SPTLC2: variants seen among roughly 807,000 people sequenced by gnomAD.
SPTLC2 encodes the protein serine palmitoyltransferase 2.
A neutral mutation model predicts 62.0 loss-of-function variants in SPTLC2; 21 were observed. That is an observed-to-expected ratio of 0.34 (90% CI 0.24 to 0.49). SPTLC2 has a LOEUF of 0.49. SPTLC2 is among the 20% of genes least tolerant of loss of function. SPTLC2 has a pLI of 0.99. For synonymous variants in SPTLC2, 261 were observed against 261.8 expected (o/e 1.00, Z 0.03); for missense variants, 511 against 713.0 (o/e 0.72, Z 3.23).
chr14:77,554,654 G>A (rs34153615), intron 8 of SPTLC2: 59,188 of 153,506 alleles, frequency 0.39, 13,448 homozygotes, highest in East Asian at 0.87. Context: ...GAAACTGGGA[G>A]GTTAAATGTT....
At chr14:77,559,511 C>T (rs890703211) in intron 6 of SPTLC2, among the ~76,000 whole-genome samples, 6 of 151,958 alleles carry the variant, frequency 3.9e-5, no homozygotes, top group East Asian at 1.9e-4. Context: ...GTGTAAAATC[C>T]GAAAGTCGTA....
chr14:77,517,982 A>C (rs1006604094), intron 11 of SPTLC2, 56 bp downstream of exon 11: 29 of 1,611,646 alleles, frequency 1.8e-5, no homozygotes, highest in Admixed American at 5.0e-5. Flanking sequence ...TTCATCTAAT[A>C]TACAGGCCCT....
At chr14:77,564,283 G>A (rs2079631256) in intron 5 of SPTLC2, among the ~76,000 whole-genome samples, 1 of 126,724 alleles carries the variant, frequency 7.9e-6, no homozygotes, top group Non-Finnish European at 1.8e-5. Flanking sequence ...AGGAAGAGGA[G>A]GAAAAGGAGG....
intron 9 of SPTLC2, among the ~76,000 whole-genome samples, chr14:77,522,182 G>A (rs1394487130): frequency 7.2e-6 from 1 of 138,004 alleles, no homozygotes; most frequent in African/African-American, 2.7e-5. Flanking sequence ...TTTTTTTTTT[G>A]AGACGGTGTC....
chr14:77,614,273 T>C (rs1054252992), intron 1 of SPTLC2, among the ~76,000 whole-genome samples: 27 of 152,332 alleles, frequency 1.8e-4, no homozygotes, highest in South Asian at 1.5e-3. Context: ...GATTTCCTAC[T>C]AAATCTGAAC....
At chr14:77,586,398 A>C (rs1421688759) in intron 2 of SPTLC2, among the ~76,000 whole-genome samples, 1 of 152,178 alleles carries the variant, frequency 6.6e-6, no homozygotes, top group East Asian at 1.9e-4. Context: ...TTTTAAAGGT[A>C]AATATAGACT....
At chr14:77,614,869 G>T (rs982497074) in intron 1 of SPTLC2, among the ~76,000 whole-genome samples, 1 of 150,356 alleles carries the variant, frequency 6.7e-6, no homozygotes, top group Admixed American at 6.6e-5. Flanking sequence ...TACTCGGGAG[G>T]CTGGGGCAGG....
chr14:77,571,948 G>A (rs1252170185), intron 4 of SPTLC2, among the ~76,000 whole-genome samples: 1 of 137,730 alleles, frequency 7.3e-6, no homozygotes, highest in South Asian at 2.6e-4. Flanking sequence ...GGACCACCAC[G>A]CCTGACTATT....
chr14:77,614,326 C>A (rs995879898), intron 1 of SPTLC2, among the ~76,000 whole-genome samples: 7 of 152,164 alleles, frequency 4.6e-5, no homozygotes. Context: ...CACAAAGCAA[C>A]GCTGAAGTGT....
At chr14:77,597,773 C>T (rs1432492743) in intron 1 of SPTLC2, among the ~76,000 whole-genome samples, 1 of 88,154 alleles carries the variant, frequency 1.1e-5, no homozygotes, top group African/African-American at 4.5e-5. Context: ...GACTCCGTGT[C>T]AAAAAAAAAA....
chr14:77,540,671 C>T (rs1044106290), intron 9 of SPTLC2, among the ~76,000 whole-genome samples: 4 of 152,080 alleles, frequency 2.6e-5, no homozygotes, highest in Non-Finnish European at 4.4e-5. Flanking sequence ...GATGGGGTTT[C>T]GCTATGTTGT....
chr14:77,598,038 C>T (rs2079857517), intron 1 of SPTLC2, among the ~76,000 whole-genome samples: 1 of 149,024 alleles, frequency 6.7e-6, no homozygotes, highest in Non-Finnish European at 1.5e-5. Context: ...AGGAGAATTG[C>T]TTGAACCTTG....
At chr14:77,546,628 C>T (rs1015157762) in intron 9 of SPTLC2, among the ~76,000 whole-genome samples, 4 of 152,112 alleles carry the variant, frequency 2.6e-5, no homozygotes, top group Admixed American at 6.5e-5. Context: ...ACTGTTTTTT[C>T]AAAGGCAAAG....
chr14:77,525,978 A>G (rs1241964559), intron 9 of SPTLC2, among the ~76,000 whole-genome samples: 2 of 152,226 alleles, frequency 1.3e-5, no homozygotes, highest in African/African-American at 2.4e-5. Context: ...CTGAACCATC[A>G]AACTGCCAAC....
intron 9 of SPTLC2, among the ~76,000 whole-genome samples, chr14:77,538,383 T>C (rs1369778456): frequency 2.0e-5 from 3 of 152,192 alleles, no homozygotes; most frequent in African/African-American, 7.2e-5. Context: ...AATTTTATTC[T>C]CACATCTAAT....
intron 9 of SPTLC2, among the ~76,000 whole-genome samples, chr14:77,542,661 A>G (rs145736742): frequency 2.0e-5 from 3 of 152,316 alleles, no homozygotes; most frequent in African/African-American, 4.8e-5. Context: ...CTGCGTCTTC[A>G]TATCCTAGGG....
In SPTLC2 at chr14:77,570,492, A is replaced by C. The variant is rs374561654; in HGVS notation, c.648T>G (p.His216Gln). The change falls in exon 5 of 12, where the codon CAT (histidine) becomes CAG (glutamine). Residue 216 changes from histidine (H) to glutamine (Q), a missense_variant. Physicochemically the swap from His to Gln is conservative, Grantham distance 24 (BLOSUM62 0). Coordinates refer to ENST00000216484, the MANE Select transcript of SPTLC2 (RefSeq NM_004863.4). ...TTGCTACAAGCTCCTCTAGTTCTTCATGCTTGTCCAGGTTTCCTGTGTGAA... is the reference window on the plus strand; with the variant it reads ...TTGCTACAAGCTCCTCTAGTTCTTCCTGCTTGTCCAGGTTTCCTGTGTGAA... ...TRQEIGNLDKHEELEELVARF... is the reference protein window; with the variant it reads ...TRQEIGNLDKQEELEELVARF... 4.3e-6 allele frequency: 7 copies of C among 1,613,926 alleles called. No individual in the cohort carries two copies. The highest frequency in any genetic ancestry group is 4.2e-6 in the Non-Finnish European group (5 of 1,179,960).
intron 1 of SPTLC2, among the ~76,000 whole-genome samples, chr14:77,607,172 G>T (rs1407824429): frequency 6.6e-6 from 1 of 152,122 alleles, no homozygotes; most frequent in Non-Finnish European, 1.5e-5. Context: ...TATTTAATAT[G>T]TAAGACGAAA....
At chr14:77,530,641 T>C (rs1410005177) in intron 9 of SPTLC2, among the ~76,000 whole-genome samples, 3 of 152,194 alleles carry the variant, frequency 2.0e-5, no homozygotes, top group Non-Finnish European at 2.9e-5. Flanking sequence ...ACAGACTTAG[T>C]AGGCTTTCCC....
Sources: gnomAD v4.1 joint callset for allele counts (sites outside exome capture counted in the v4.1 genomes callset) on GRCh38, gnomAD v4.1.1 for gene constraint, MANE v1.5 for transcripts, NCBI Gene and HGNC (gene_info 2026-07-23, HGNC 2026-07-21) for gene names.